The following LRP1B variants were observed in gnomAD, a reference collection of about 807,000 sequenced individuals.
The protein encoded by LRP1B is LDL receptor related protein 1B.
LRP1B carries 217 observed loss-of-function variants against 556.6 expected under a neutral mutation model. The ratio of observed to expected loss-of-function variants is 0.39; its 90% CI spans 0.35 to 0.44. The LOEUF (loss-of-function observed/expected upper bound fraction) is 0.44, where lower values mean the gene tolerates loss of function less well. Ranked by LOEUF, LRP1B falls within the 20% of genes least tolerant of loss-of-function variation. LRP1B has a pLI of 1.00. For missense variants in LRP1B, 5,053 were observed against 5,620.8 expected, an observed-to-expected ratio of 0.90 and a Z score of 3.23; for synonymous variants, 2,047 against 1,865.8, an observed-to-expected ratio of 1.10 and a Z score of -2.50.
intron 2 of LRP1B, among the ~76,000 whole-genome samples, chr2:141,588,458 A>C (rs1030993474): frequency 3.9e-5 from 6 of 152,206 alleles, no homozygotes; most frequent in Admixed American, 3.9e-4. Flanking sequence ...AATGGGGCAC[A>C]GAGTACCATA....
At chr2:140,762,957 T>G (rs750035331) in intron 35 of LRP1B, among the ~76,000 whole-genome samples, 6 of 152,146 alleles carry the variant, frequency 3.9e-5, no homozygotes, top group Non-Finnish European at 5.9e-5. Flanking sequence ...GTACCTAAGC[T>G]AAAAGAGATC....
intron 2 of LRP1B, among the ~76,000 whole-genome samples, chr2:141,585,136 T>A (rs2105285486): frequency 6.6e-6 from 1 of 152,322 alleles, no homozygotes; most frequent in South Asian, 2.1e-4. Flanking sequence ...CACAACCTGT[T>A]ATCCCTTGTA....
intron 2 of LRP1B, among the ~76,000 whole-genome samples, chr2:141,788,149 A>G (rs1020752878): frequency 1.3e-5 from 2 of 151,996 alleles, no homozygotes; most frequent in Admixed American, 6.6e-5. Flanking sequence ...ACAGGCCCAT[A>G]TTTATAAATC....
chr2:141,159,700 C>T (rs1264887587), intron 7 of LRP1B, among the ~76,000 whole-genome samples: 1 of 152,138 alleles, frequency 6.6e-6, no homozygotes, highest in Admixed American at 6.6e-5. Context: ...AATGACAAAA[C>T]TAAACATAGC....
intron 32 of LRP1B, among the ~76,000 whole-genome samples, chr2:140,790,285 C>T (rs1690070412): frequency 6.6e-6 from 1 of 152,048 alleles, no homozygotes. Flanking sequence ...GGGGCTAATA[C>T]TGAATACGCC....
chr2:140,712,853 A>G (rs1007904517), intron 37 of LRP1B, among the ~76,000 whole-genome samples: 6 of 151,928 alleles, frequency 3.9e-5, no homozygotes, highest in Non-Finnish European at 8.8e-5. Context: ...TATTGCTGGC[A>G]CACTGTTCTT....
At chr2:141,248,572 AAAG>A (rs1684151794) in intron 4 of LRP1B, among the ~76,000 whole-genome samples, 1 of 152,160 alleles carries the variant, frequency 6.6e-6, no homozygotes, top group African/African-American at 2.4e-5. Context: ...TGGGGATTTC[AAAG>A]AAGAAGCATA....
At chr2:141,452,879 G>T (rs1681475444) in intron 3 of LRP1B, among the ~76,000 whole-genome samples, 1 of 152,112 alleles carries the variant, frequency 6.6e-6, no homozygotes, top group Non-Finnish European at 1.5e-5. Context: ...TGTACTTCCT[G>T]GAGGTTATTG....
intron 7 of LRP1B, among the ~76,000 whole-genome samples, chr2:141,186,660 A>T (rs1681272513): frequency 6.6e-6 from 1 of 152,098 alleles, no homozygotes; most frequent in Non-Finnish European, 1.5e-5. Flanking sequence ...ACATTTAAAC[A>T]GTTATGAGGC....
intron 31 of LRP1B, among the ~76,000 whole-genome samples, chr2:140,814,515 A>G (rs965818451): frequency 6.6e-6 from 1 of 152,214 alleles, no homozygotes; most frequent in African/African-American, 2.4e-5. Flanking sequence ...TCATTATGCC[A>G]CTTTGCCTCA....
intron 20 of LRP1B, 130 bp from the exon 21 acceptor site, chr2:140,923,277 T>C: frequency 3.2e-6 from 2 of 622,730 alleles, no homozygotes; most frequent in Non-Finnish European, 5.5e-6. Context: ...CTAGAGAGAA[T>C]ACATTTTTAC....
At chr2:140,553,731 C>T (rs1680630482) in intron 43 of LRP1B, among the ~76,000 whole-genome samples, 2 of 151,860 alleles carry the variant, frequency 1.3e-5, no homozygotes, top group Admixed American at 6.6e-5. Flanking sequence ...TATAGGGACG[C>T]CATAAGTGAT....
chr2:141,366,845 ATC>A (rs1689054903), intron 3 of LRP1B, among the ~76,000 whole-genome samples: 1 of 151,790 alleles, frequency 6.6e-6, no homozygotes, highest in Non-Finnish European at 1.5e-5. Context: ...ACTTTTCTCA[ATC>A]TCTGTCAAAA....
At chr2:141,458,054 T>G (rs1681700138) in intron 3 of LRP1B, among the ~76,000 whole-genome samples, 1 of 152,162 alleles carries the variant, frequency 6.6e-6, no homozygotes, top group African/African-American at 2.4e-5. Flanking sequence ...TGGTTTTTGT[T>G]TGTTTTGTTT....
chr2:140,792,109 C>G (rs1690141355), intron 32 of LRP1B, among the ~76,000 whole-genome samples: 1 of 152,068 alleles, frequency 6.6e-6, no homozygotes, highest in Non-Finnish European at 1.5e-5. Context: ...ATATATTTCC[C>G]ACTCGCTTTC....
chr2:140,970,595 A>T (rs545600044), intron 18 of LRP1B, among the ~76,000 whole-genome samples: 1 of 152,094 alleles, frequency 6.6e-6, no homozygotes, highest in East Asian at 1.9e-4. Context: ...AAATGCAGAA[A>T]TCACCTGTTT....
chr2:141,051,289 A>G (rs1428219440), intron 10 of LRP1B, among the ~76,000 whole-genome samples: 2 of 152,140 alleles, frequency 1.3e-5, no homozygotes, highest in African/African-American at 2.4e-5. Flanking sequence ...ATATACCCAA[A>G]GGATTATAAA....
intron 82 of LRP1B, among the ~76,000 whole-genome samples, chr2:140,317,017 C>T (rs532958697): frequency 6.6e-5 from 10 of 152,112 alleles, no homozygotes; most frequent in African/African-American, 1.9e-4. Flanking sequence ...GATGGAGCTC[C>T]GGCGGAATAC....
chr2:140,581,209 CTT>C (rs1448408242), intron 43 of LRP1B, among the ~76,000 whole-genome samples: 1 of 152,166 alleles, frequency 6.6e-6, no homozygotes, highest in Non-Finnish European at 1.5e-5. Context: ...GTCAAAATGA[CTT>C]TAGACACTTT....
Sources: gnomAD v4.1 joint callset for allele counts (sites outside exome capture counted in the v4.1 genomes callset) on GRCh38, gnomAD v4.1.1 for gene constraint, MANE v1.5 for transcripts, NCBI Gene and HGNC (gene_info 2026-07-23, HGNC 2026-07-21) for gene names.